The following IL6R variants were observed in gnomAD, a reference collection of about 807,000 sequenced individuals.
The protein encoded by IL6R is interleukin 6 receptor.
In IL6R, 38 loss-of-function variants were observed where a neutral mutation model predicts 48.3. That is an observed-to-expected ratio of 0.79 (90% CI 0.61 to 1.03). The LOEUF (loss-of-function observed/expected upper bound fraction) is 1.03. Ranked by LOEUF, IL6R falls within the 50% of genes least tolerant of loss-of-function variation. The pLI, the probability that IL6R is intolerant of heterozygous loss-of-function variation, is 0.00. For synonymous variants in IL6R, 264 were observed against 256.2 expected (o/e 1.03, Z -0.29); for missense variants, 534 against 618.3 (o/e 0.86, Z 1.45).
At chr1:154,456,202 G>T (rs528615607) in intron 9 of IL6R, among the ~76,000 whole-genome samples, 65 of 141,500 alleles carry the variant, frequency 4.6e-4, no homozygotes, top group African/African-American at 1.5e-3. Context: ...GCCATGAATA[G>T]ATTCTTTTTT....
intron 1 of IL6R, among the ~76,000 whole-genome samples, chr1:154,411,117 G>A (rs2149205187): frequency 1.3e-5 from 2 of 152,268 alleles, no homozygotes; most frequent in South Asian, 4.1e-4. Context: ...GGAGTGCAGT[G>A]GTGCAATCTT....
intron 9 of IL6R, among the ~76,000 whole-genome samples, chr1:154,462,639 C>T (rs896453614): frequency 6.6e-6 from 1 of 152,034 alleles, no homozygotes; most frequent in Non-Finnish European, 1.5e-5. Flanking sequence ...TCCCAAAGTG[C>T]TGGGATTACA....
intron 6 of IL6R, among the ~76,000 whole-genome samples, chr1:154,439,200 A>G (rs564619819): frequency 2.6e-5 from 4 of 152,366 alleles, no homozygotes; most frequent in Admixed American, 2.6e-4. Context: ...TAGTTCAGAT[A>G]GTCACAAGCA....
Position 154,464,113 on chromosome 1 carries a change from C to T in IL6R, c.1161-1021C>T, listed in dbSNP as rs954780761. Among the ~76,000 whole-genome samples the T allele has an allele frequency of 3.3e-5, 5 of 152,196 alleles. No homozygotes were observed. The South Asian group carries it at 1.0e-3, about 32-fold the overall frequency. Reference sequence around the variant, plus strand: ...TTTGACCGAGAGGCCCATTTTCTTTCCCTACTAAAAGAATGCTTTCTTTTT... The same window carrying T: ...TTTGACCGAGAGGCCCATTTTCTTTTCCTACTAAAAGAATGCTTTCTTTTT... On this transcript the variant is annotated intron_variant, in intron 9 of 9. Coordinates refer to ENST00000368485, the MANE Select transcript of IL6R (RefSeq NM_000565.4).
At chr1:154,448,286 G>A in intron 7 of IL6R, 115 bp downstream of exon 7, 1 of 774,476 alleles carries the variant, frequency 1.3e-6, no homozygotes, top group South Asian at 1.5e-5. Flanking sequence ...TAGAAATGTG[G>A]TCGTGGTGAG....
chr1:154,423,404 G>C (rs942080809), intron 1 of IL6R, among the ~76,000 whole-genome samples: 4 of 151,504 alleles, frequency 2.6e-5, no homozygotes, highest in African/African-American at 9.7e-5. Context: ...CAGAGGTAGG[G>C]AGAGGACACT....
Position 154,440,612 on chromosome 1 carries a change from A to T in IL6R, c.949+4502A>T, listed in dbSNP as rs531429883. On this transcript the variant is annotated intron_variant, in intron 6 of 9. Transcript: ENST00000368485. ...GTCCTCCTTATGGATGTGAAGTGTT[A>T]TCTCACTGTGGTTTTGATTTGCATT... is the stretch of plus-strand genomic sequence containing the variant. Among the ~76,000 whole-genome samples the T allele has an allele frequency of 2.7e-5, 4 of 149,450 alleles. 1 individual carries two copies. The South Asian group carries it at 6.3e-4, about 24-fold the overall frequency.
chr1:154,444,364 A>G (rs1157476540), intron 6 of IL6R, among the ~76,000 whole-genome samples: 4 of 152,052 alleles, frequency 2.6e-5, no homozygotes, highest in African/African-American at 4.8e-5. Context: ...ATGCGCCATC[A>G]TGCCCGGCTA....
chr1:154,405,674 G>T lies in IL6R; in HGVS notation c.45G>T (p.Ala15=). ...GCALLAALLA[A]PGAALAPRRC... ...CGCTGCTGGCTGCCCTGCTGGCCGCGCCGGGAGCGGCGCTGGCCCCAAGGC... is the reference window on the plus strand; with the variant it reads ...CGCTGCTGGCTGCCCTGCTGGCCGCTCCGGGAGCGGCGCTGGCCCCAAGGC... Residue 15 remains alanine, a synonymous_variant, in exon 1 of 10, where the codon GCG becomes GCT. Coordinates refer to ENST00000368485, the MANE Select transcript of IL6R (RefSeq NM_000565.4). The surrounding 1 kb of genome is among the most constrained non-coding windows in gnomAD (Gnocchi z 5.2). 1.3e-6 allele frequency: 2 copies of T among 1,529,144 alleles called. No homozygotes were observed. Among genetic ancestry groups the T allele is most frequent in the Non-Finnish European group, 1.7e-6 (2 of 1,145,014 alleles). The allele number at this position is 1,529,144 out of a possible 1,614,324, so 94.7% of individuals were successfully genotyped here. A position where few individuals can be genotyped will look rare whatever the true frequency, so the allele number is the denominator to read the frequency against.
At chr1:154,456,800 G>C (rs1690914360) in intron 9 of IL6R, among the ~76,000 whole-genome samples, 2 of 152,140 alleles carry the variant, frequency 1.3e-5, no homozygotes, top group African/African-American at 4.8e-5. Flanking sequence ...AAGAGTCATT[G>C]GGTGGGGGTT....
rs1218316414 is a variant in IL6R, at chr1:154,420,187, C to CCAT, written c.86-9006_86-9004dup. Among the ~76,000 whole-genome samples the CCAT allele has an allele frequency of 1.3e-4, 19 of 149,786 alleles. No homozygotes were observed. In the East Asian group the frequency reaches 1.7e-3, roughly 14 times the overall value. On this transcript the variant is annotated intron_variant, in intron 1 of 9. Transcript: ENST00000368485. ...TCTGGTCATCATCCTTCTCCCAAAG[C>CCAT]CATCAACTATTAAATAATAAATCCA... is the stretch of plus-strand genomic sequence containing the variant.
intron 6 of IL6R, among the ~76,000 whole-genome samples, chr1:154,437,862 C>T (rs907735106): frequency 1.3e-5 from 2 of 149,786 alleles, no homozygotes; most frequent in Admixed American, 1.4e-4. Context: ...TACAGGTGCA[C>T]ACCACCACGC....
chr1:154,460,938 C>T (rs901344545), intron 9 of IL6R, among the ~76,000 whole-genome samples: 4 of 152,130 alleles, frequency 2.6e-5, no homozygotes, highest in African/African-American at 9.7e-5. Flanking sequence ...GATGCAGAGA[C>T]CGGTAGTGGC....
chr1:154,440,300 CATTT>C (rs1007828396), intron 6 of IL6R, among the ~76,000 whole-genome samples: 1 of 152,122 alleles, frequency 6.6e-6, no homozygotes, highest in Admixed American at 6.5e-5. Context: ...TTGATTCATT[CATTT>C]GTCAGGGGAC....
At chr1:154,450,339 T>A (rs1690517556) in intron 8 of IL6R, among the ~76,000 whole-genome samples, 1 of 152,156 alleles carries the variant, frequency 6.6e-6, no homozygotes, top group African/African-American at 2.4e-5. Context: ...TTGGCCAGGC[T>A]GGTCTTGAAC....
At chr1:154,417,821 A>G (rs1165435965) in intron 1 of IL6R, among the ~76,000 whole-genome samples, 4 of 149,640 alleles carry the variant, frequency 2.7e-5, no homozygotes, top group African/African-American at 9.9e-5. Flanking sequence ...GCTCACTGCA[A>G]CCTTCCGGTT....
intron 1 of IL6R, among the ~76,000 whole-genome samples, chr1:154,420,888 A>C (rs1196297727): frequency 6.6e-6 from 1 of 152,198 alleles, no homozygotes. Context: ...CGTTTGTGTC[A>C]GCCCAACCCC....
rs1374916162 is a variant in IL6R at position 154,430,574 on chromosome 1, G to C, written c.426G>C (p.Leu142=). The change falls in exon 3 of 10, where the codon CTG becomes CTC. Residue 142 remains leucine (L), a synonymous_variant. Coordinates refer to ENST00000368485, the MANE Select transcript of IL6R (RefSeq NM_000565.4). ...CEWGPRSTPS[L]TTKAVLLVRK... ...GGGGTCCTCGGAGCACCCCATCCCT[G>C]ACGACAAAGGCTGTGCTCTTGGTGA... The C allele has an allele frequency of 1.2e-5, 20 of 1,614,202 alleles. No homozygotes were observed. The highest frequency in any genetic ancestry group is 1.7e-5 in the Non-Finnish European group (20 of 1,180,028).
intron 6 of IL6R, among the ~76,000 whole-genome samples, chr1:154,441,828 C>T (rs1040899577): frequency 6.6e-6 from 1 of 152,114 alleles, no homozygotes. Context: ...TCCTGGGAAG[C>T]ACCTGGGAGT....
Sources: gnomAD v4.1 joint callset for allele counts (sites outside exome capture counted in the v4.1 genomes callset) on GRCh38, gnomAD v4.1.1 for gene constraint, Gnocchi (gnomAD v3.1) non-coding constraint, MANE v1.5 for transcripts, NCBI Gene and HGNC (gene_info 2026-07-23, HGNC 2026-07-21) for gene names.